Variants in PPP6R2 observed in about 807,000 individuals in gnomAD.
PPP6R2 encodes protein phosphatase 6 regulatory subunit 2, also known as serine/threonine-protein phosphatase 6 regulatory subunit 2.
Under a neutral mutation model 100.2 loss-of-function variants are expected in PPP6R2, and 62 were observed. The ratio of observed to expected loss-of-function variants is 0.62; its 90% CI spans 0.50 to 0.76. PPP6R2 has a LOEUF of 0.76. Ranked by LOEUF, PPP6R2 falls within the 30% of genes least tolerant of loss-of-function variation. The pLI is 0.00. For synonymous variants in PPP6R2, 525 were observed against 514.7 expected, an observed-to-expected ratio of 1.02 and a Z score of -0.27; for missense variants, 1,142 against 1,276.3, an observed-to-expected ratio of 0.89 and a Z score of 1.60.
At chr22:50,415,333 G>T (rs549134301) in intron 5 of PPP6R2, among the ~76,000 whole-genome samples, 1 of 152,222 alleles carries the variant, frequency 6.6e-6, no homozygotes, top group Non-Finnish European at 1.5e-5. Flanking sequence ...GGACTCATCC[G>T]ATGACCACTC....
Position 50,438,751 on chromosome 22 carries a change from G to T in PPP6R2, c.2117G>T (p.Gly706Val). ...AAGAAGGAAGCGCCCCCTGTGGAGGGTGACTCAGAAGGTGGTGCTGGGCGC... is the reference window on the plus strand; with the variant it reads ...AAGAAGGAAGCGCCCCCTGTGGAGGTTGACTCAGAAGGTGGTGCTGGGCGC... ...PGKKEAPPVEGDSEGAMWTAV... is the reference protein window; with the variant it reads ...PGKKEAPPVEVDSEGAMWTAV... The change falls in exon 19 of 24, where the codon GGT becomes GTT. Residue 706 changes from glycine (G) to valine (V), a missense_variant. Physicochemically the swap from Gly to Val is moderately radical, Grantham distance 109 (BLOSUM62 -3). Around this residue, in one of 2 missense-constraint regions of PPP6R2, gnomAD observed 550 missense variants for 517.4 expected, o/e 1.06. Coordinates refer to ENST00000612753, the MANE Select transcript of PPP6R2 (RefSeq NM_001242898.2). The T allele has an allele frequency of 6.3e-7, 1 of 1,597,914 alleles. No individual in the cohort carries two copies. Among genetic ancestry groups the T allele is most frequent in the Non-Finnish European group, 8.5e-7 (1 of 1,172,476 alleles).
chr22:50,381,030 C>G (rs2052796300), intron 2 of PPP6R2, among the ~76,000 whole-genome samples: 1 of 147,048 alleles, frequency 6.8e-6, no homozygotes, highest in African/African-American at 2.5e-5. Flanking sequence ...AGGAGAATCA[C>G]TTGAACCTGG....
chr22:50,357,435 CT>C (rs1339292220), intron 1 of PPP6R2, among the ~76,000 whole-genome samples: 2 of 150,510 alleles, frequency 1.3e-5, no homozygotes, highest in Non-Finnish European at 3.0e-5. Context: ...TTTTCTTTTT[CT>C]TTTTTCTCTC....
chr22:50,395,957 G>A (rs2056712487), intron 3 of PPP6R2, among the ~76,000 whole-genome samples: 1 of 151,922 alleles, frequency 6.6e-6, no homozygotes, highest in Non-Finnish European at 1.5e-5. Flanking sequence ...CACTTTGGGA[G>A]GCCAAGGCGG....
chr22:50,419,214 A>G (rs1170538374), intron 7 of PPP6R2, 135 bp from the exon 8 acceptor site: 2 of 808,568 alleles, frequency 2.5e-6, no homozygotes, highest in Non-Finnish European at 4.0e-6. Context: ...TGTCCTGAGA[A>G]CCCTGGCGCC....
intron 1 of PPP6R2, among the ~76,000 whole-genome samples, chr22:50,370,436 T>A (rs193095011): frequency 1.3e-5 from 2 of 151,310 alleles, no homozygotes; most frequent in African/African-American, 2.4e-5. Flanking sequence ...TACAGGCGCC[T>A]GCCACCACGC....
At chr22:50,387,409 C>T (rs970321806) in intron 2 of PPP6R2, among the ~76,000 whole-genome samples, 5 of 152,150 alleles carry the variant, frequency 3.3e-5, no homozygotes, top group Non-Finnish European at 7.3e-5. Flanking sequence ...GTTTGTCCCA[C>T]TCCACCCCCT....
chr22:50,419,324 A>C, intron 7 of PPP6R2, 25 bp from the exon 8 acceptor site: 3 of 1,594,482 alleles, frequency 1.9e-6, no homozygotes, highest in Non-Finnish European at 2.6e-6. Flanking sequence ...TCTGCCAGGC[A>C]GTGACCTCTG....
rs1350346436 is a variant in PPP6R2 at position 50,444,118 on chromosome 22, G to C, written c.2831+1G>C. On this transcript the variant is annotated splice_donor_variant, in intron 23 of 23. Transcript: ENST00000612753. LOFTEE classifies it high-confidence loss of function. The stretch of plus-strand genomic sequence containing the variant: ...CCCTGGGGACAGTGACAAAGGACGG[G>C]TGAGCAGGTTGAGTGTGGGGGTAGG... The C allele has an allele frequency of 6.2e-7, 1 of 1,612,136 alleles. No homozygotes were observed. Among genetic ancestry groups the C allele is most frequent in the Non-Finnish European group, 8.5e-7 (1 of 1,178,686 alleles).
chr22:50,431,236 G>A lies in PPP6R2; in HGVS notation c.1189G>A (p.Ala397Thr), dbSNP rs150819801. 12 of 1,613,730 alleles carry A rather than the reference G, an allele frequency of 7.4e-6. No individual in the cohort carries two copies. The highest frequency in any genetic ancestry group is 2.2e-5 in the East Asian group (1 of 44,898). ...CTTCCAAGTGGAACTATGCATAGCCGCTATTCTCTCCCACGCTGCCCGTGA... is the reference window on the plus strand; with the variant it reads ...CTTCCAAGTGGAACTATGCATAGCCACTATTCTCTCCCACGCTGCCCGTGA... ...LHFQVELCIA[A>T]ILSHAAREER... The change falls in exon 11 of 24, where the codon GCT (alanine) becomes ACT (threonine). Residue 397 changes from alanine (A) to threonine (T), a missense_variant. Coordinates refer to ENST00000612753, the MANE Select transcript of PPP6R2 (RefSeq NM_001242898.2). This position sits in a 1 kb window ranked among gnomAD's most constrained non-coding sequence, Gnocchi z 4.8.
intron 3 of PPP6R2, 38 bp from the exon 4 acceptor site, chr22:50,406,651 C>G (rs768773457): frequency 6.3e-7 from 1 of 1,580,920 alleles, no homozygotes; most frequent in Non-Finnish European, 8.6e-7. Context: ...TTGGAGAAGT[C>G]TAATTTCACC....
intron 1 of PPP6R2, among the ~76,000 whole-genome samples, chr22:50,371,028 G>A (rs2050091315): frequency 6.6e-6 from 1 of 152,166 alleles, no homozygotes; most frequent in Non-Finnish European, 1.5e-5. Flanking sequence ...GGAAATTTAA[G>A]TGACAGTGGG....
the PPP6R2 span, among the ~76,000 whole-genome samples, chr22:50,338,015 T>TG: frequency 0.012 from 1,698 of 143,198 alleles, 15 homozygotes; most frequent in East Asian, 0.026. Context: ...ATAGTGTGTG[T>TG]GGGGGGTATG....
intron 6 of PPP6R2, among the ~76,000 whole-genome samples, chr22:50,416,717 C>G (rs144690500): frequency 0.026 from 4,001 of 151,774 alleles, 82 homozygotes; most frequent in Non-Finnish European, 0.037. Context: ...AATCCCAGCA[C>G]TTGGGGAGGC....
intron 5 of PPP6R2, among the ~76,000 whole-genome samples, chr22:50,415,244 A>G (rs2060366171): frequency 6.6e-6 from 1 of 152,198 alleles, no homozygotes; most frequent in South Asian, 2.1e-4. Context: ...CTGTTCGGCC[A>G]GCTTTGTTTG....
intron 2 of PPP6R2, among the ~76,000 whole-genome samples, chr22:50,377,221 A>G (rs2051798577): frequency 6.6e-6 from 1 of 152,002 alleles, no homozygotes; most frequent in Admixed American, 6.6e-5. Context: ...TGGGAGGTAG[A>G]GGTAGGGAGA....
intron 1 of PPP6R2, among the ~76,000 whole-genome samples, chr22:50,355,009 A>G (rs926001387): frequency 2.0e-5 from 3 of 151,296 alleles, no homozygotes; most frequent in African/African-American, 7.3e-5. Flanking sequence ...ATGCCTGGCT[A>G]ATTTTTTATT....
At chr22:50,337,720 T>A in the PPP6R2 span, among the ~76,000 whole-genome samples, 1 of 142,478 alleles carries the variant, frequency 7.0e-6, no homozygotes, top group Non-Finnish European at 1.5e-5. Flanking sequence ...GGTATATGTG[T>A]ACTGTGTGGT....
At chr22:50,341,499 C>T (rs988218392), upstream of PPP6R2, among the ~76,000 whole-genome samples, 1 of 152,188 alleles carries the variant, frequency 6.6e-6, no homozygotes, top group African/African-American at 2.4e-5. Flanking sequence ...CCACCGTGCC[C>T]AGGCAATCGG....
Sources: allele counts gnomAD v4.1 joint callset (sites outside exome capture counted in the v4.1 genomes callset), GRCh38; gene constraint gnomAD v4.1.1; regional missense constraint gnomAD v4.1.1; non-coding constraint Gnocchi (gnomAD v3.1); transcripts MANE v1.5; gene names NCBI Gene and HGNC (gene_info 2026-07-23, HGNC 2026-07-21).